The following CTNNA3 variants were observed in gnomAD, a reference collection of about 807,000 sequenced individuals.
CTNNA3 encodes the protein catenin alpha 3, also known as catenin alpha-3.
In CTNNA3, 76 loss-of-function variants were observed where a neutral mutation model predicts 95.7. The ratio of observed to expected loss-of-function variants is 0.79; its 90% CI spans 0.66 to 0.96. CTNNA3 has a LOEUF of 0.96. Among genes scored for constraint, CTNNA3 ranks in the 40% least tolerant of loss-of-function variants. CTNNA3 has a pLI of 0.00. For synonymous variants in CTNNA3, 431 were observed against 374.4 expected (o/e 1.15, Z -1.74); for missense variants, 1,191 against 1,089.8 (o/e 1.09, Z -1.31).
chr10:67,248,811 C>T (rs1866000821), intron 5 of CTNNA3, among the ~76,000 whole-genome samples: 1 of 152,276 alleles, frequency 6.6e-6, no homozygotes. Flanking sequence ...GGATCACAGA[C>T]CATTTATGCC....
intron 1 of CTNNA3, chr10:67,648,814 C>T: frequency 3.9e-6 from 5 of 1,287,182 alleles, no homozygotes; most frequent in Non-Finnish European, 5.1e-6. Flanking sequence ...CTCAGCGATT[C>T]AGCTGCAATG....
At chr10:66,711,883 G>T (rs183760779) in intron 9 of CTNNA3, among the ~76,000 whole-genome samples, 1 of 151,990 alleles carries the variant, frequency 6.6e-6, no homozygotes, top group African/African-American at 2.4e-5. Flanking sequence ...ACTTTCAAAA[G>T]TTCTTACCTT....
chr10:66,162,921 C>A (rs2084925703), intron 13 of CTNNA3, among the ~76,000 whole-genome samples: 1 of 151,926 alleles, frequency 6.6e-6, no homozygotes, highest in Admixed American at 6.6e-5. Context: ...ATTCCCAGGT[C>A]ACTGGAGTTG....
chr10:66,113,869 G>T (rs979254957), intron 13 of CTNNA3, among the ~76,000 whole-genome samples: 6 of 151,968 alleles, frequency 3.9e-5, no homozygotes, highest in African/African-American at 1.5e-4. Context: ...GGTTCTTCAC[G>T]CACAGCAATT....
At chr10:66,709,323 G>A (rs1016576281) in intron 9 of CTNNA3, among the ~76,000 whole-genome samples, 2 of 152,162 alleles carry the variant, frequency 1.3e-5, no homozygotes, top group African/African-American at 4.8e-5. Context: ...TGACATAGCT[G>A]AGATAGGACT....
chr10:65,998,527 T>A (rs1027229731), intron 15 of CTNNA3, among the ~76,000 whole-genome samples: 1 of 152,192 alleles, frequency 6.6e-6, no homozygotes, highest in Non-Finnish European at 1.5e-5. Context: ...TCCTTGTCCC[T>A]AGCAGAGAAT....
At chr10:66,545,566 G>A (rs1386995434) in intron 10 of CTNNA3, among the ~76,000 whole-genome samples, 2 of 152,002 alleles carry the variant, frequency 1.3e-5, no homozygotes, top group African/African-American at 2.4e-5. Context: ...TGGAATGGTT[G>A]GGTCACAGAG....
chr10:67,720,380 G>T (rs1841173024), intron 1 of CTNNA3, among the ~76,000 whole-genome samples: 1 of 151,476 alleles, frequency 6.6e-6, no homozygotes, highest in East Asian at 1.9e-4. Context: ...TGTTATGTGT[G>T]AATTTGATTC....
chr10:66,374,218 G>C (rs1424630899), intron 12 of CTNNA3, among the ~76,000 whole-genome samples: 2 of 152,140 alleles, frequency 1.3e-5, no homozygotes, highest in Non-Finnish European at 2.9e-5. Flanking sequence ...GGAGAAACTT[G>C]TATGTAAATG....
chr10:66,247,095 T>C (rs2090362232), intron 13 of CTNNA3, among the ~76,000 whole-genome samples: 1 of 148,766 alleles, frequency 6.7e-6, no homozygotes, highest in Admixed American at 6.7e-5. Flanking sequence ...GATAGGCTGT[T>C]TGAAAATACA....
intron 1 of CTNNA3, among the ~76,000 whole-genome samples, chr10:67,729,943 T>C (rs951273663): frequency 6.6e-6 from 1 of 152,130 alleles, no homozygotes; most frequent in Non-Finnish European, 1.5e-5. Flanking sequence ...AACTTTCAAG[T>C]CATTTTGAGA....
At chr10:66,572,976 TC>T (rs1842913023) in intron 10 of CTNNA3, among the ~76,000 whole-genome samples, 1 of 152,116 alleles carries the variant, frequency 6.6e-6, no homozygotes, top group African/African-American at 2.4e-5. Flanking sequence ...TCCTTGTGTT[TC>T]CCCTAATGAA....
chr10:67,626,758 C>T (rs545898917), intron 2 of CTNNA3, among the ~76,000 whole-genome samples: 8 of 151,018 alleles, frequency 5.3e-5, no homozygotes, highest in Non-Finnish European at 8.8e-5. Context: ...TACATGTATA[C>T]GTGTGTGTTG....
At chr10:66,551,245 G>A (rs1302773890) in intron 10 of CTNNA3, among the ~76,000 whole-genome samples, 2 of 151,804 alleles carry the variant, frequency 1.3e-5, no homozygotes, top group African/African-American at 2.4e-5. Flanking sequence ...ATAAAATTAC[G>A]GCTTGACAGT....
At chr10:66,216,239 T>C (rs1358699094) in intron 13 of CTNNA3, among the ~76,000 whole-genome samples, 1 of 152,252 alleles carries the variant, frequency 6.6e-6, no homozygotes. Flanking sequence ...AATCCGATCT[T>C]TGTATGTTGG....
chr10:67,262,590 T>G (rs1396086091), intron 5 of CTNNA3, among the ~76,000 whole-genome samples: 1 of 152,132 alleles, frequency 6.6e-6, no homozygotes, highest in African/African-American at 2.4e-5. Flanking sequence ...GTCTGTATTT[T>G]CACAAATCAT....
intron 5 of CTNNA3, among the ~76,000 whole-genome samples, chr10:67,335,275 G>T (rs1841955765): frequency 6.6e-6 from 1 of 152,162 alleles, no homozygotes; most frequent in African/African-American, 2.4e-5. Flanking sequence ...CCTGTCAAGG[G>T]CTGGTTCCTG....
intron 1 of CTNNA3, among the ~76,000 whole-genome samples, chr10:67,704,225 C>T (rs1437415148): frequency 1.3e-5 from 2 of 152,154 alleles, no homozygotes; most frequent in Non-Finnish European, 2.9e-5. Context: ...AGATTCAATG[C>T]CATCCCCATC....
chr10:66,346,741 C>T (rs2092523959), intron 12 of CTNNA3, among the ~76,000 whole-genome samples: 2 of 152,044 alleles, frequency 1.3e-5, no homozygotes, highest in Non-Finnish European at 1.5e-5. Context: ...ACTTAATTAC[C>T]TAATAACTTA....
Sources: allele counts gnomAD v4.1 joint callset (sites outside exome capture counted in the v4.1 genomes callset), GRCh38; gene constraint gnomAD v4.1.1; transcripts MANE v1.5; gene names NCBI Gene and HGNC (gene_info 2026-07-23, HGNC 2026-07-21).